AGR2: variants seen among roughly 807,000 people sequenced by gnomAD.
The protein encoded by AGR2 is anterior gradient 2, protein disulphide isomerase family member.
In AGR2, 27 loss-of-function variants were observed where a neutral mutation model predicts 25.9. The ratio of observed to expected loss-of-function variants is 1.04; its 90% confidence interval spans 0.77 to 1.44. The LOEUF is 1.44. Among genes scored for constraint, AGR2 ranks in the 40% most tolerant of loss-of-function variants. AGR2 has a pLI of 0.00. For missense variants in AGR2, 182 were observed against 200.9 expected (o/e 0.91, Z 0.57); for synonymous variants, 78 against 72.0 (o/e 1.08, Z -0.42).
intron 7 of AGR2, 137 bp from the exon 8 acceptor site, chr7:16,793,094 G>T: frequency 3.8e-6 from 3 of 780,222 alleles, no homozygotes; most frequent in Non-Finnish European, 6.3e-6. Context: ...TCCCACTCAG[G>T]CTGGCATGCA....
chr7:16,793,752 A>C (rs1415155886), intron 7 of AGR2, among the ~76,000 whole-genome samples: 1 of 152,220 alleles, frequency 6.6e-6, no homozygotes, highest in Non-Finnish European at 1.5e-5. Flanking sequence ...TCACACAGCT[A>C]ACAAGTAATG....
At chr7:16,800,681 G>A (rs1025992678) in intron 4 of AGR2, among the ~76,000 whole-genome samples, 1 of 152,186 alleles carries the variant, frequency 6.6e-6, no homozygotes, top group African/African-American at 2.4e-5. Flanking sequence ...GTAGCATGGA[G>A]GCAATAGGAA....
intron 1 of AGR2, among the ~76,000 whole-genome samples, chr7:16,804,502 C>G (rs1042766459): frequency 2.6e-5 from 4 of 152,160 alleles, no homozygotes; most frequent in Admixed American, 1.3e-4. Context: ...AGAAAGAAAA[C>G]TGTTTTCTGA....
At chr7:16,803,489 G>T (rs1384536959) in intron 1 of AGR2, among the ~76,000 whole-genome samples, 1 of 152,112 alleles carries the variant, frequency 6.6e-6, no homozygotes, top group African/African-American at 2.4e-5. Context: ...TATCTTGAGT[G>T]GAAACCTTTG....
chr7:16,792,921 T>G lies in AGR2; in HGVS notation c.515A>C (p.Lys172Thr). 6.2e-7 allele frequency: 1 copy of G among 1,614,120 alleles called. No homozygotes were observed. Among genetic ancestry groups the G allele is most frequent in the Non-Finnish European group, 8.5e-7 (1 of 1,179,974 alleles). Residue 172 changes from lysine to threonine, a missense_variant, in exon 8 of 8, where the codon AAG becomes ACG. By Grantham distance (78) the Lys-to-Thr change is moderately conservative. Transcript: ENST00000419304. ...GATTTTTTTTCTTTACAATTCAGTC[T>G]TCAGCAACTTGAGAGCTTTCTTCAT... ...DNMKKALKLL[K>T]TEL
At chr7:16,793,680 G>A (rs1178031537) in intron 7 of AGR2, among the ~76,000 whole-genome samples, 1 of 152,170 alleles carries the variant, frequency 6.6e-6, no homozygotes, top group Non-Finnish European at 1.5e-5. Context: ...ATACAAACAC[G>A]ATTAGAACTT....
chr7:16,799,224 T>C (rs1409236088), intron 5 of AGR2, among the ~76,000 whole-genome samples: 12 of 152,012 alleles, frequency 7.9e-5, no homozygotes, highest in Non-Finnish European at 1.8e-4. Context: ...TTAGGTAGAG[T>C]CATTTTTTTG....
chr7:16,800,451 G>A (rs1785122239), intron 4 of AGR2, among the ~76,000 whole-genome samples: 2 of 152,198 alleles, frequency 1.3e-5, no homozygotes, highest in South Asian at 4.1e-4. Flanking sequence ...GGTAGGAAGG[G>A]AGAGATAGCC....
intron 7 of AGR2, among the ~76,000 whole-genome samples, chr7:16,794,491 C>T (rs1014158006): frequency 6.6e-6 from 1 of 152,206 alleles, no homozygotes; most frequent in African/African-American, 2.4e-5. Flanking sequence ...TCTTGGCAAT[C>T]ATTTGGATCA....
chr7:16,793,688 C>T (rs1472577975), intron 7 of AGR2, among the ~76,000 whole-genome samples: 3 of 152,154 alleles, frequency 2.0e-5, no homozygotes, highest in African/African-American at 7.2e-5. Flanking sequence ...ACGATTAGAA[C>T]TTTATATATA....
chr7:16,795,096 G>C, intron 6 of AGR2, 77 bp from the exon 7 acceptor site: 4 of 1,480,544 alleles, frequency 2.7e-6, no homozygotes, highest in Non-Finnish European at 3.7e-6. Flanking sequence ...CCGGGGAGCT[G>C]AAGTTCATGT....
At position 16,801,687 on chromosome 7, in the gene AGR2, C is replaced by A. The variant is rs372556930; in HGVS notation, c.110G>T (p.Arg37Leu). The A allele has an allele frequency of 1.9e-6, 3 of 1,613,452 alleles. No individual in the cohort carries two copies. The highest frequency in any genetic ancestry group is 1.3e-5 in the African/African-American group (1 of 74,780). ...PGAKKDTKDS[R>L]PKLPQTLSRG... The stretch of plus-strand genomic sequence containing the variant: ...GGAGAGGGTCTGGGGCAGTTTGGGT[C>A]GAGAGTCCTTTGTGTCCTTTTTGGC... Residue 37 changes from arginine to leucine, a missense_variant, in exon 2 of 8, where the codon CGA (arginine) becomes CTA (leucine). Coordinates refer to ENST00000419304, the MANE Select transcript of AGR2 (RefSeq NM_006408.4).
chr7:16,799,580 T>G, intron 5 of AGR2, 164 bp downstream of exon 5: 1 of 557,244 alleles, frequency 1.8e-6, no homozygotes, highest in Non-Finnish European at 3.2e-6. Flanking sequence ...CCAAATGGAT[T>G]ATTAATACAA....
chr7:16,801,515 A>G (rs1422583225), intron 2 of AGR2, 132 bp from the exon 3 acceptor site: 1 of 1,349,536 alleles, frequency 7.4e-7, no homozygotes, highest in Admixed American at 1.8e-5. Context: ...GAAAGTAGAA[A>G]TAATTATAAA....
chr7:16,796,720 A>G (rs1249450336), intron 6 of AGR2, among the ~76,000 whole-genome samples: 1 of 152,114 alleles, frequency 6.6e-6, no homozygotes, highest in Non-Finnish European at 1.5e-5. Flanking sequence ...TTACATAACC[A>G]CCCCCAAACT....
chr7:16,795,432 A>C (rs1236098427), intron 6 of AGR2, among the ~76,000 whole-genome samples: 1 of 151,318 alleles, frequency 6.6e-6, no homozygotes, highest in Non-Finnish European at 1.5e-5. Context: ...ACCCACATCC[A>C]ATGCTAGTTT....
In AGR2 at chr7:16,801,478, T is replaced by C. The variant is rs746829105; in HGVS notation, c.140-95A>G. ...GTAAAGACTGGGATAATAGACCCTA[T>C]ACTAAAGAAGAAGAAAAACCCCTGG... On this transcript the variant is annotated intron_variant, in intron 2 of 7. Coordinates refer to ENST00000419304, the MANE Select transcript of AGR2 (RefSeq NM_006408.4). The C allele has an allele frequency of 5.2e-6, 7 of 1,343,842 alleles. No individual in the cohort carries two copies. In the South Asian group the frequency reaches 7.3e-5, roughly 14 times the overall value. 83.2% of individuals were successfully genotyped at this position (1,343,842 alleles called of 1,614,324 possible). A position where few individuals can be genotyped will look rare whatever the true frequency, so the allele number is the denominator to read the frequency against.
intron 7 of AGR2, chr7:16,794,693 C>G: frequency 2.9e-6 from 3 of 1,032,458 alleles, no homozygotes; most frequent in South Asian, 3.7e-5. Context: ...GTCATAGAAT[C>G]CTCCTAGAGA....
At chr7:16,799,673 G>A in intron 5 of AGR2, 71 bp downstream of exon 5, 1 of 1,145,068 alleles carries the variant, frequency 8.7e-7, no homozygotes, top group Non-Finnish European at 1.3e-6. Flanking sequence ...AAGATGTATA[G>A]GAAAAATGAA....
Sources: allele counts gnomAD v4.1 joint callset (sites outside exome capture counted in the v4.1 genomes callset), GRCh38; gene constraint gnomAD v4.1.1; transcripts MANE v1.5; gene names NCBI Gene and HGNC (gene_info 2026-07-23, HGNC 2026-07-21).